The following ARHGEF28 variants were observed in gnomAD, a reference collection of about 807,000 sequenced individuals.
ARHGEF28 encodes the protein 190 kDa guanine nucleotide exchange factor.
In ARHGEF28, 152 loss-of-function variants were observed where a neutral mutation model predicts 206.6. The ratio of observed to expected loss-of-function variants is 0.74; its 90% CI spans 0.64 to 0.84. The LOEUF (loss-of-function observed/expected upper bound fraction) is 0.84. Ranked by LOEUF, ARHGEF28 falls within the 40% of genes least tolerant of loss-of-function variation. The pLI is 0.00. For missense variants in ARHGEF28, 2,028 were observed against 2,073.2 expected, an observed-to-expected ratio of 0.98 and a Z score of 0.42; for synonymous variants, 763 against 776.4, an observed-to-expected ratio of 0.98 and a Z score of 0.29.
In ARHGEF28 at chr5:73,707,662, A is replaced by AT. The variant is rs796972882; in HGVS notation, c.33+22787dup. 1.1e-3 allele frequency among the ~76,000 whole-genome samples: 170 copies of AT among 151,308 alleles called. 1 individual carries two copies. The highest frequency in any genetic ancestry group is 3.4e-3 in the Middle Eastern group (1 of 292). ...TGCAGAGGCAAGCTCATGGATTTCT[A>AT]TTTTTTTTTATTTGTAAAGTCATTT... On this transcript the variant is annotated intron_variant, in intron 2 of 35. Coordinates refer to ENST00000513042, the MANE Select transcript of ARHGEF28 (RefSeq NM_001177693.2).
chr5:73,659,169 T>C (rs933639261), intron 1 of ARHGEF28, among the ~76,000 whole-genome samples: 2 of 152,182 alleles, frequency 1.3e-5, no homozygotes, highest in African/African-American at 2.4e-5. Flanking sequence ...TTAAACTCAT[T>C]ACTACTCACT....
chr5:73,792,027 A>G (rs2112481008), intron 7 of ARHGEF28, among the ~76,000 whole-genome samples: 1 of 152,322 alleles, frequency 6.6e-6, no homozygotes, highest in East Asian at 1.9e-4. Context: ...GAGCAATTTA[A>G]TTAATCCATT....
chr5:73,935,463 T>C (rs759058520), intron 35 of ARHGEF28, among the ~76,000 whole-genome samples: 6 of 152,164 alleles, frequency 3.9e-5, no homozygotes, highest in Non-Finnish European at 8.8e-5. Context: ...TGCACAAAAT[T>C]ATTAGGGACA....
At chr5:73,835,919 G>A (rs1757601926) in intron 10 of ARHGEF28, among the ~76,000 whole-genome samples, 1 of 152,118 alleles carries the variant, frequency 6.6e-6, no homozygotes, top group African/African-American at 2.4e-5. Context: ...TGCATGTCGG[G>A]GGAAAACCCC....
chr5:73,863,181 A>C (rs1274453560), intron 16 of ARHGEF28: 1 of 152,082 alleles, frequency 6.6e-6, no homozygotes, highest in South Asian at 2.1e-4. Flanking sequence ...TTTTTTAATC[A>C]TATGGATATT....
chr5:73,898,845 T>A (rs560505067), intron 30 of ARHGEF28: 1 of 152,312 alleles, frequency 6.6e-6, no homozygotes, highest in Admixed American at 6.5e-5. Context: ...AGAGTATACT[T>A]TTCATCCTGT....
chr5:73,918,690 C>A (rs427011), intron 35 of ARHGEF28, among the ~76,000 whole-genome samples: 17,021 of 152,090 alleles, frequency 0.11, 1,094 homozygotes, highest in South Asian at 0.21. Context: ...TTCTCCCCAA[C>A]TCCAGCTCCC....
chr5:73,666,624 A>G (rs555829356), intron 1 of ARHGEF28, among the ~76,000 whole-genome samples: 2 of 152,180 alleles, frequency 1.3e-5, no homozygotes, highest in African/African-American at 2.4e-5. Context: ...GCACCTGTCA[A>G]CTGTAGAATG....
At chr5:73,842,228 C>T (rs1169741151) in intron 11 of ARHGEF28, among the ~76,000 whole-genome samples, 1 of 152,048 alleles carries the variant, frequency 6.6e-6, no homozygotes, top group Admixed American at 6.5e-5. Flanking sequence ...TTCATTTTCA[C>T]GTATAAAATG....
intron 4 of ARHGEF28, among the ~76,000 whole-genome samples, chr5:73,772,903 T>A (rs1753304969): frequency 6.6e-6 from 1 of 152,206 alleles, no homozygotes; most frequent in Admixed American, 6.5e-5. Context: ...AGTAAAATTG[T>A]GCTAATGAAG....
intron 1 of ARHGEF28, among the ~76,000 whole-genome samples, chr5:73,631,973 G>T (rs1270385461): frequency 6.6e-6 from 1 of 152,104 alleles, no homozygotes; most frequent in African/African-American, 2.4e-5. Flanking sequence ...GGTTCATTTT[G>T]TGTTCCTGTA....
At chr5:73,766,925 A>T (rs1461506927) in intron 4 of ARHGEF28, among the ~76,000 whole-genome samples, 1 of 152,154 alleles carries the variant, frequency 6.6e-6, no homozygotes, top group Admixed American at 6.5e-5. Context: ...TCTCACCTTG[A>T]ATTGTAACTC....
intron 1 of ARHGEF28, among the ~76,000 whole-genome samples, chr5:73,658,474 C>T (rs866307641): frequency 2.4e-4 from 37 of 152,044 alleles, no homozygotes; most frequent in African/African-American, 8.5e-4. Flanking sequence ...GAATGGGATT[C>T]GGCCACAAGA....
intron 7 of ARHGEF28, 93 bp downstream of exon 7, chr5:73,780,838 G>A: frequency 7.3e-7 from 1 of 1,362,780 alleles, no homozygotes; most frequent in Admixed American, 2.0e-5. Context: ...AAGCCGGCCA[G>A]GAATCAAGGG....
chr5:73,683,511 G>A (rs1398579389), intron 1 of ARHGEF28, among the ~76,000 whole-genome samples: 1 of 151,906 alleles, frequency 6.6e-6, no homozygotes, highest in African/African-American at 2.4e-5. Context: ...GTCAAGGCTT[G>A]TCCAATTGTA....
At chr5:73,812,098 C>G (rs1755873778) in intron 9 of ARHGEF28, among the ~76,000 whole-genome samples, 1 of 151,112 alleles carries the variant, frequency 6.6e-6, no homozygotes, top group South Asian at 2.1e-4. Context: ...GTTTATGTGA[C>G]AAACTATATA....
Position 73,941,522 on chromosome 5 carries a change from T to A in ARHGEF28, c.*509T>A, listed in dbSNP as rs1251735960. On this transcript the variant is annotated 3_prime_UTR_variant, in exon 36 of 36. Transcript: ENST00000513042. ...TGGGAGCATTAAAAGTGGTGATCTG[T>A]TACAGTCACTATTCAACTGGGCACG... 1.3e-5 allele frequency: 2 copies of A among 153,166 alleles called. No individual in the cohort carries two copies. Among genetic ancestry groups the A allele is most frequent in the African/African-American group, 4.8e-5 (2 of 41,460 alleles). 9.5% of individuals were successfully genotyped at this position (153,166 alleles called of 1,614,324 possible).
chr5:73,807,828 T>A lies in ARHGEF28; in HGVS notation c.1024+12437T>A, dbSNP rs567581287. ...AACATGTGTTGCTTCAGTCAGGAAA[T>A]CTATCATTAATATTTTAATATTTAT... On this transcript the variant is annotated intron_variant, in intron 9 of 35. Coordinates refer to ENST00000513042, the MANE Select transcript of ARHGEF28 (RefSeq NM_001177693.2). 1.7e-4 allele frequency among the ~76,000 whole-genome samples: 26 copies of A among 151,898 alleles called. No homozygotes were observed. In the South Asian group the frequency reaches 3.7e-3, roughly 22 times the overall value.
intron 4 of ARHGEF28, among the ~76,000 whole-genome samples, chr5:73,756,453 A>G (rs79781942): frequency 0.015 from 2,338 of 152,340 alleles, 58 homozygotes; most frequent in African/African-American, 0.052. Context: ...AACTGTCTGC[A>G]GCCTAGACTT....
Sources: allele counts gnomAD v4.1 joint callset (sites outside exome capture counted in the v4.1 genomes callset), GRCh38; gene constraint gnomAD v4.1.1; transcripts MANE v1.5; gene names NCBI Gene and HGNC (gene_info 2026-07-23, HGNC 2026-07-21).